The following NEDD4L variants were observed in gnomAD, a reference collection of about 807,000 sequenced individuals.
NEDD4L encodes NEDD4 like E3 ubiquitin protein ligase, also known as E3 ubiquitin-protein ligase NEDD4-like.
In NEDD4L, 54 loss-of-function variants were observed where a neutral mutation model predicts 148.9. The ratio of observed to expected loss-of-function variants is 0.36; its 90% CI spans 0.29 to 0.45. NEDD4L has a LOEUF of 0.45. NEDD4L is among the 20% of genes least tolerant of loss of function. The pLI is 1.00. For synonymous variants in NEDD4L, 433 were observed against 440.7 expected, an observed-to-expected ratio of 0.98 and a Z score of 0.22; for missense variants, 856 against 1,233.8, an observed-to-expected ratio of 0.69 and a Z score of 4.59.
At chr18:58,064,024 G>A (rs1234103832) in intron 1 of NEDD4L, among the ~76,000 whole-genome samples, 1 of 144,500 alleles carries the variant, frequency 6.9e-6, no homozygotes, top group East Asian at 2.0e-4. Context: ...GAGTGCAGTG[G>A]CGTGATCTCG....
intron 19 of NEDD4L, among the ~76,000 whole-genome samples, chr18:58,358,972 G>A (rs774005193): frequency 2.0e-5 from 3 of 152,096 alleles, no homozygotes; most frequent in Non-Finnish European, 4.4e-5. Context: ...TTCATTGGAA[G>A]CTTGATCACT....
rs1159624904 is a variant in NEDD4L at position 58,046,539 on chromosome 18, A to G, written c.48+1831A>G. On this transcript the variant is annotated intron_variant, in intron 1 of 30. Coordinates refer to ENST00000400345, the MANE Select transcript of NEDD4L (RefSeq NM_001144967.3). ...TTTGGGAAGTGCAGCTGGATAAATG[A>G]AACACGTTAATGTCACTGTTGTTTG... 3 of 152,220 alleles carry G rather than the reference A, an allele frequency of 2.0e-5. No individual in the cohort carries two copies. In the East Asian group the frequency reaches 5.8e-4, roughly 29 times the overall value. The allele number at this position is 152,220 out of a possible 1,614,324, so 9.4% of individuals were successfully genotyped here.
At chr18:58,187,038 A>G (rs564317424) in intron 2 of NEDD4L, among the ~76,000 whole-genome samples, 1 of 152,374 alleles carries the variant, frequency 6.6e-6, no homozygotes, top group East Asian at 1.9e-4. Context: ...TTTGAAATTA[A>G]TAGGTGCTTG....
At chr18:58,355,601 C>CT (rs1420778885) in intron 18 of NEDD4L, among the ~76,000 whole-genome samples, 2 of 152,140 alleles carry the variant, frequency 1.3e-5, no homozygotes, top group Non-Finnish European at 2.9e-5. Flanking sequence ...AGCTGTACTC[C>CT]GTTTCCTTTA....
At chr18:58,287,806 T>C (rs1712168415) in intron 5 of NEDD4L, among the ~76,000 whole-genome samples, 1 of 152,230 alleles carries the variant, frequency 6.6e-6, no homozygotes, top group Admixed American at 6.5e-5. Flanking sequence ...CGAGCCTGTG[T>C]GTTTTGCTTG....
In NEDD4L at chr18:58,256,155, G is replaced by A; in HGVS notation, c.297+4101G>A. 2 of 1,220,082 alleles carry A rather than the reference G, an allele frequency of 1.6e-6. No individual in the cohort carries two copies. The highest frequency in any genetic ancestry group is 2.0e-6 in the Non-Finnish European group (2 of 980,674). 75.6% of individuals were successfully genotyped at this position (1,220,082 alleles called of 1,614,324 possible). ...CTCCAGGTCAACGGCACGTGCGGCC[G>A]CCGCGTGCGGTGCTCCGGCCCCGTG... On this transcript the variant is annotated intron_variant, in intron 5 of 30. Transcript: ENST00000400345. This position sits in a 1 kb window ranked among gnomAD's most constrained non-coding sequence, Gnocchi z 5.2.
chr18:58,089,420 C>T (rs763909133), intron 1 of NEDD4L, among the ~76,000 whole-genome samples: 2 of 152,164 alleles, frequency 1.3e-5, no homozygotes, highest in Non-Finnish European at 2.9e-5. Context: ...CAGGCGTGAA[C>T]CACGATGCCT....
chr18:58,131,254 G>A (rs1420816090), intron 1 of NEDD4L, among the ~76,000 whole-genome samples: 1 of 151,412 alleles, frequency 6.6e-6, no homozygotes, highest in Non-Finnish European at 1.5e-5. Flanking sequence ...TTGTGATCTA[G>A]TGGAACTGTG....
chr18:58,086,339 C>T lies in NEDD4L; in HGVS notation c.48+41631C>T, dbSNP rs145740771. Among the ~76,000 whole-genome samples the T allele has an allele frequency of 8.4e-3, 1,278 of 152,146 alleles. 19 individuals are homozygous for T. Among genetic ancestry groups the T allele is most frequent in the African/African-American group, 0.029 (1,202 of 41,494 alleles). On this transcript the variant is annotated intron_variant, in intron 1 of 30. Transcript: ENST00000400345. Reference sequence around the variant, plus strand: ...TCCATAAGAAACTTGGGAAGAATTCCTAAGAAACTAGCAGTAGTGGTTCCC... The same window carrying T: ...TCCATAAGAAACTTGGGAAGAATTCTTAAGAAACTAGCAGTAGTGGTTCCC...
intron 1 of NEDD4L, among the ~76,000 whole-genome samples, chr18:58,159,236 A>G (rs895081648): frequency 6.6e-6 from 1 of 152,040 alleles, no homozygotes; most frequent in Non-Finnish European, 1.5e-5. Flanking sequence ...TTTTTAAAAA[A>G]TGCAGGCAGG....
intron 1 of NEDD4L, among the ~76,000 whole-genome samples, chr18:58,084,580 A>G (rs2083647471): frequency 6.6e-6 from 1 of 152,054 alleles, no homozygotes; most frequent in South Asian, 2.1e-4. Flanking sequence ...TCCAAAATCA[A>G]GATGTCAGCA....
intron 1 of NEDD4L, among the ~76,000 whole-genome samples, chr18:58,142,238 C>T (rs1276893529): frequency 3.3e-5 from 5 of 150,852 alleles, no homozygotes; most frequent in Non-Finnish European, 7.4e-5. Context: ...TTTGTAGAGA[C>T]GGGATTTCAC....
At chr18:58,180,874 A>G (rs2038782800) in intron 2 of NEDD4L, among the ~76,000 whole-genome samples, 1 of 152,220 alleles carries the variant, frequency 6.6e-6, no homozygotes, top group African/African-American at 2.4e-5. Context: ...TGTCACCTGA[A>G]GACCTCTTAA....
chr18:58,080,308 G>A (rs755003143), intron 1 of NEDD4L, among the ~76,000 whole-genome samples: 2 of 152,224 alleles, frequency 1.3e-5, no homozygotes, highest in African/African-American at 4.8e-5. Flanking sequence ...TCACACGAGC[G>A]TCTCTTACTC....
chr18:58,354,671 T>G (rs2044356623), intron 18 of NEDD4L, among the ~76,000 whole-genome samples: 1 of 152,146 alleles, frequency 6.6e-6, no homozygotes, highest in South Asian at 2.1e-4. Flanking sequence ...GAGAGGGGAT[T>G]GCAAAGATGA....
intron 1 of NEDD4L, among the ~76,000 whole-genome samples, chr18:58,149,968 T>C (rs2034516474): frequency 6.6e-6 from 1 of 152,248 alleles, no homozygotes; most frequent in Non-Finnish European, 1.5e-5. Flanking sequence ...TATTTCTGTG[T>C]AATTGCCTGA....
chr18:58,266,184 A>C (rs893928375), intron 5 of NEDD4L, among the ~76,000 whole-genome samples: 2 of 152,180 alleles, frequency 1.3e-5, no homozygotes, highest in Middle Eastern at 3.4e-3. Context: ...TGTTGATCGG[A>C]TCTGCAACCT....
At chr18:58,386,739 T>C (rs1270964549) in intron 26 of NEDD4L, among the ~76,000 whole-genome samples, 1 of 152,170 alleles carries the variant, frequency 6.6e-6, no homozygotes, top group African/African-American at 2.4e-5. Flanking sequence ...GGTGATGCTT[T>C]CCCTTCACTC....
At chr18:58,306,926 GC>G (rs2057135416) in intron 5 of NEDD4L, among the ~76,000 whole-genome samples, 1 of 152,204 alleles carries the variant, frequency 6.6e-6, no homozygotes, top group African/African-American at 2.4e-5. Context: ...GAGCCACCAT[GC>G]CCAGGCAAGT....
Sources: gnomAD v4.1 joint callset for allele counts (sites outside exome capture counted in the v4.1 genomes callset) on GRCh38, gnomAD v4.1.1 for gene constraint, Gnocchi (gnomAD v3.1) non-coding constraint, MANE v1.5 for transcripts, NCBI Gene and HGNC (gene_info 2026-07-23, HGNC 2026-07-21) for gene names.